Variants in MDGA2 observed in about 807,000 individuals in gnomAD.
MDGA2 encodes MAM domain containing glycosylphosphatidylinositol anchor 2, also known as MAM domain-containing glycosylphosphatidylinositol anchor protein 2.
A neutral mutation model predicts 117.8 loss-of-function variants in MDGA2; 40 were observed. The observed-to-expected ratio is 0.34, with a 90% CI of 0.26 to 0.44. MDGA2 has a LOEUF of 0.44. Among genes scored for constraint, MDGA2 ranks in the 20% least tolerant of loss-of-function variants. The pLI is 1.00. For missense variants in MDGA2, 1,123 were observed against 1,250.6 expected, an observed-to-expected ratio of 0.90 and a Z score of 1.54; for synonymous variants, 452 against 439.0, an observed-to-expected ratio of 1.03 and a Z score of -0.37.
chr14:46,851,365 C>T (rs537461506), intron 15 of MDGA2, among the ~76,000 whole-genome samples: 15 of 151,876 alleles, frequency 9.9e-5, no homozygotes, highest in Non-Finnish European at 1.3e-4. Flanking sequence ...AGAATATATC[C>T]ATTTTGCTTC....
At chr14:47,660,980 A>G (rs1897834620) in intron 1 of MDGA2, among the ~76,000 whole-genome samples, 1 of 152,208 alleles carries the variant, frequency 6.6e-6, no homozygotes, top group Non-Finnish European at 1.5e-5. Flanking sequence ...CTAAGAAAGA[A>G]AACCATATGG....
At chr14:47,295,481 A>G (rs1309230068) in intron 2 of MDGA2, among the ~76,000 whole-genome samples, 1 of 152,192 alleles carries the variant, frequency 6.6e-6, no homozygotes, top group African/African-American at 2.4e-5. Context: ...TAAAATCTCA[A>G]CATTTATTTG....
intron 8 of MDGA2, among the ~76,000 whole-genome samples, chr14:47,017,635 T>G (rs1888132266): frequency 1.5e-5 from 1 of 64,968 alleles, no homozygotes; most frequent in African/African-American, 3.7e-5. Flanking sequence ...CTTAAGAAAA[T>G]TGTTTTAAAA....
chr14:47,517,044 A>C (rs1894767733), intron 1 of MDGA2, among the ~76,000 whole-genome samples: 1 of 152,222 alleles, frequency 6.6e-6, no homozygotes, highest in Admixed American at 6.5e-5. Flanking sequence ...ATTGAGACTC[A>C]GCATAGTTGT....
chr14:47,186,407 C>T (rs1013982963), intron 3 of MDGA2, among the ~76,000 whole-genome samples: 1 of 151,666 alleles, frequency 6.6e-6, no homozygotes, highest in Admixed American at 6.6e-5. Context: ...TATTAAATAT[C>T]AAATTTCTTA....
At position 46,914,250 on chromosome 14, in the gene MDGA2, C is replaced by T. The variant is rs372835577; in HGVS notation, c.2238+5762G>A. On this transcript the variant is annotated intron_variant, in intron 10 of 16. Transcript: ENST00000399232. ...TCTTTTTCTCTTTCCTGTTAAGCAA[C>T]AAATGAAGCAAATAATTGGAGGTTA... Among the ~76,000 whole-genome samples the T allele has an allele frequency of 4.0e-4, 61 of 152,024 alleles. No homozygotes were observed. The East Asian group carries it at 9.9e-3, about 25-fold the overall frequency.
intron 8 of MDGA2, among the ~76,000 whole-genome samples, chr14:46,982,237 T>G (rs1185568213): frequency 6.6e-6 from 1 of 152,214 alleles, no homozygotes; most frequent in African/African-American, 2.4e-5. Flanking sequence ...GGTAACCGTA[T>G]AATTTATCTT....
At chr14:47,540,674 C>T (rs759566959) in intron 1 of MDGA2, among the ~76,000 whole-genome samples, 9 of 151,400 alleles carry the variant, frequency 5.9e-5, no homozygotes, top group African/African-American at 1.2e-4. Flanking sequence ...AGCAATCCTC[C>T]TGCCTCAGCC....
chr14:47,310,989 A>T (rs1445349670), intron 1 of MDGA2, among the ~76,000 whole-genome samples: 1 of 152,130 alleles, frequency 6.6e-6, no homozygotes, highest in Non-Finnish European at 1.5e-5. Flanking sequence ...GTCAGAAGCC[A>T]TATATCATGT....
At chr14:47,396,073 T>C (rs951740767) in intron 1 of MDGA2, among the ~76,000 whole-genome samples, 5 of 152,338 alleles carry the variant, frequency 3.3e-5, no homozygotes, top group African/African-American at 7.2e-5. Context: ...TGTGCACTAA[T>C]AGTCATGAGG....
chr14:47,043,890 A>C (rs1183943508), intron 7 of MDGA2, among the ~76,000 whole-genome samples: 5 of 151,648 alleles, frequency 3.3e-5, no homozygotes. Context: ...TGTTCTATTT[A>C]CTCTTTTCTG....
intron 1 of MDGA2, among the ~76,000 whole-genome samples, chr14:47,661,283 T>C (rs1375366659): frequency 6.6e-6 from 1 of 152,180 alleles, no homozygotes; most frequent in Non-Finnish European, 1.5e-5. Flanking sequence ...TTAAACTTCA[T>C]GAGCTTCAGA....
intron 5 of MDGA2, among the ~76,000 whole-genome samples, chr14:47,125,027 T>C (rs75509057): frequency 1.3e-5 from 2 of 152,266 alleles, no homozygotes; most frequent in Admixed American, 6.5e-5. Context: ...CAAACCTAAA[T>C]AGTCCTTAAA....
intron 1 of MDGA2, among the ~76,000 whole-genome samples, chr14:47,537,574 T>TAAAAAAAAAAAAA (rs58060138): frequency 5.5e-5 from 2 of 36,610 alleles, no homozygotes; most frequent in Admixed American, 4.3e-4. Context: ...TTCTCTCTGT[T>TAAAAAAAAAAAAA]AAAAAAAAAA....
rs1225285621 is a variant in MDGA2 at position 47,218,089 on chromosome 14, C to T, written c.527G>A (p.Arg176Gln). ...GCCATTCTCTGCTTTACAGTAATAC[C>T]GGCCTCCTTGGTGTCGCTGAATATT... ...ITNIQRHQGG[R>Q]YYCKAENGLG... is the part of the protein sequence containing the mutation. Residue 176 changes from arginine to glutamine, a missense_variant, in exon 3 of 17, where the codon CGG becomes CAG. Physicochemically the swap from Arg to Gln is conservative, Grantham distance 43. Coordinates refer to ENST00000399232, the MANE Select transcript of MDGA2 (RefSeq NM_001113498.3). 1 of 1,551,292 alleles carries T rather than the reference C, an allele frequency of 6.4e-7. No individual in the cohort carries two copies. The highest frequency in any genetic ancestry group is 8.7e-7 in the Non-Finnish European group (1 of 1,146,680).
At chr14:47,500,546 G>A (rs1265433231) in intron 1 of MDGA2, among the ~76,000 whole-genome samples, 1 of 152,002 alleles carries the variant, frequency 6.6e-6, no homozygotes, top group Non-Finnish European at 1.5e-5. Context: ...AGAAATAGCT[G>A]ACTTTTGGAC....
intron 6 of MDGA2, among the ~76,000 whole-genome samples, chr14:47,089,331 C>A (rs1891022980): frequency 6.6e-6 from 1 of 151,960 alleles, no homozygotes. Flanking sequence ...ATAAAGCTTG[C>A]TTTTGGGAAG....
rs1882583762 is a variant in MDGA2, at chr14:46,884,310, G to A, written c.2239-2089C>T. Among the ~76,000 whole-genome samples, 1 of 152,098 alleles carries A rather than the reference G, an allele frequency of 6.6e-6. No homozygotes were observed. Among genetic ancestry groups the A allele is most frequent in the African/African-American group, 2.4e-5 (1 of 41,428 alleles). On this transcript the variant is annotated intron_variant, in intron 10 of 16. Coordinates refer to ENST00000399232, the MANE Select transcript of MDGA2 (RefSeq NM_001113498.3). The surrounding 1 kb of genome is among the most constrained non-coding windows in gnomAD (Gnocchi z 4.1). ...TGGCAAACAGCTGAGGGCAAAAGTAGTTTGGGCAGAAATTCTGTTACTTTT... is the reference window on the plus strand; with the variant it reads ...TGGCAAACAGCTGAGGGCAAAAGTAATTTGGGCAGAAATTCTGTTACTTTT...
At chr14:47,593,707 C>T (rs1896484657) in intron 1 of MDGA2, among the ~76,000 whole-genome samples, 1 of 151,974 alleles carries the variant, frequency 6.6e-6, no homozygotes, top group Non-Finnish European at 1.5e-5. Flanking sequence ...AGGGGAACAA[C>T]ACACACTAGG....
Sources: gnomAD v4.1 joint callset for allele counts (sites outside exome capture counted in the v4.1 genomes callset) on GRCh38, gnomAD v4.1.1 for gene constraint, Gnocchi (gnomAD v3.1) non-coding constraint, MANE v1.5 for transcripts, NCBI Gene and HGNC (gene_info 2026-07-23, HGNC 2026-07-21) for gene names.